Variants in EIPR1 observed in about 807,000 individuals in gnomAD.
EIPR1 encodes the protein EARP and GARP complex-interacting protein 1.
In EIPR1, 25 loss-of-function variants were observed where a neutral mutation model predicts 48.1. The ratio of observed to expected loss-of-function variants is 0.52; its 90% CI spans 0.38 to 0.73. The LOEUF (loss-of-function observed/expected upper bound fraction) is 0.73, where lower values mean the gene tolerates loss of function less well. Ranked by LOEUF, EIPR1 falls within the 30% of genes least tolerant of loss-of-function variation. The pLI, the probability that EIPR1 is intolerant of heterozygous loss-of-function variation, is 0.00. For synonymous variants in EIPR1, 204 were observed against 201.9 expected (o/e 1.01, Z -0.09); for missense variants, 415 against 506.2 (o/e 0.82, Z 1.73).
intron 2 of EIPR1, among the ~76,000 whole-genome samples, chr2:3,344,827 G>A (rs1162628734): frequency 6.6e-6 from 1 of 151,698 alleles, no homozygotes; most frequent in Non-Finnish European, 1.5e-5. Flanking sequence ...ATTTTTAGTA[G>A]AGACAGGGTT....
chr2:3,242,005 G>A (rs1666644801), intron 4 of EIPR1, among the ~76,000 whole-genome samples: 1 of 152,190 alleles, frequency 6.6e-6, no homozygotes, highest in African/African-American at 2.4e-5. Context: ...TCGATGGTGT[G>A]CAGATGCCTC....
chr2:3,368,116 C>G (rs1179774778), intron 1 of EIPR1, among the ~76,000 whole-genome samples: 1 of 152,166 alleles, frequency 6.6e-6, no homozygotes, highest in African/African-American at 2.4e-5. Flanking sequence ...TGGCAACAGG[C>G]AGACCCTGAA....
At chr2:3,272,207 A>G (rs1013471597) in intron 3 of EIPR1, among the ~76,000 whole-genome samples, 21 of 152,234 alleles carry the variant, frequency 1.4e-4, no homozygotes, top group African/African-American at 4.8e-4. Context: ...TGGATCATCT[A>G]TCCAGACCAC....
chr2:3,194,328 C>A, intron 6 of EIPR1, 162 bp from the exon 7 acceptor site: 1 of 722,716 alleles, frequency 1.4e-6, no homozygotes, highest in East Asian at 2.8e-5. Context: ...AGGCTGGCGC[C>A]ACCTCCTCCA....
chr2:3,368,056 A>C (rs1229377075), intron 1 of EIPR1, among the ~76,000 whole-genome samples: 1 of 152,186 alleles, frequency 6.6e-6, no homozygotes, highest in Non-Finnish European at 1.5e-5. Flanking sequence ...AAAAGAAAAA[A>C]GAAAAGAAAA....
chr2:3,245,557 G>T (rs1275329852), intron 4 of EIPR1, among the ~76,000 whole-genome samples: 1 of 152,278 alleles, frequency 6.6e-6, no homozygotes, highest in East Asian at 1.9e-4. Context: ...CTTGAAAGAA[G>T]ACATTTTTCT....
chr2:3,326,958 G>A (rs756610747), intron 3 of EIPR1, among the ~76,000 whole-genome samples: 3 of 152,220 alleles, frequency 2.0e-5, no homozygotes, highest in Non-Finnish European at 2.9e-5. Flanking sequence ...CAGGATGAGC[G>A]GCCGAAGCTG....
At chr2:3,294,275 C>T (rs1572405422) in intron 3 of EIPR1, among the ~76,000 whole-genome samples, 2 of 151,786 alleles carry the variant, frequency 1.3e-5, no homozygotes, top group Non-Finnish European at 2.9e-5. Flanking sequence ...TCCAGCCCAT[C>T]CTCCCTACAC....
chr2:3,290,922 T>TCCAGG (rs1397100890), intron 3 of EIPR1, among the ~76,000 whole-genome samples: 3 of 152,160 alleles, frequency 2.0e-5, no homozygotes, highest in Admixed American at 6.5e-5. Flanking sequence ...CTCGTGGTGC[T>TCCAGG]CCAGGCCAGG....
rs1426030602 is a variant in EIPR1, at chr2:3,197,148, CTCTG to C, written c.517-135_517-132del. 19 of 1,110,070 alleles carry C rather than the reference CTCTG, an allele frequency of 1.7e-5. No individual in the cohort carries two copies. The East Asian group carries it at 2.4e-4, about 14-fold the overall frequency. The allele number at this position is 1,110,070 out of a possible 1,614,324, so 68.8% of individuals were successfully genotyped here. ...ATAATTACTGAGGATAATTAGGAAG[CTCTG>C]TCTTTGTTTCCTTTCCTTAAATGGC... On this transcript the variant is annotated intron_variant, in intron 5 of 8. Transcript: ENST00000382125.
rs759642909 is a variant in EIPR1 at position 3,368,377 on chromosome 2, G to T, written c.42+9271C>A. 2.0e-5 allele frequency among the ~76,000 whole-genome samples: 3 copies of T among 152,122 alleles called. No homozygotes were observed. In the South Asian group the frequency reaches 6.2e-4, roughly 32 times the overall value. Reference sequence around the variant, plus strand: ...TCATTGTCACCCACCTTCCCACCCCGACCGTCCTTTCTGGTCTGGCCCAGC... The same window carrying T: ...TCATTGTCACCCACCTTCCCACCCCTACCGTCCTTTCTGGTCTGGCCCAGC... On this transcript the variant is annotated intron_variant, in intron 1 of 8. Transcript: ENST00000382125.
intron 5 of EIPR1, among the ~76,000 whole-genome samples, chr2:3,204,172 C>G (rs978852334): frequency 1.3e-5 from 2 of 152,196 alleles, no homozygotes; most frequent in East Asian, 1.9e-4. Flanking sequence ...CTGTGGCCCC[C>G]CTTACTGCAC....
chr2:3,226,791 G>A (rs1421097725), intron 4 of EIPR1, among the ~76,000 whole-genome samples: 1 of 152,176 alleles, frequency 6.6e-6, no homozygotes, highest in Non-Finnish European at 1.5e-5. Flanking sequence ...TGGTATCATG[G>A]GGACAGGTTT....
intron 7 of EIPR1, among the ~76,000 whole-genome samples, chr2:3,192,944 C>T (rs1356697061): frequency 2.0e-5 from 3 of 152,142 alleles, no homozygotes; most frequent in Non-Finnish European, 2.9e-5. Flanking sequence ...ACAAGTCTCA[C>T]GGCATCTTCC....
In EIPR1 at chr2:3,230,666, C is replaced by T. The variant is rs536298575; in HGVS notation, c.417-16418G>A. ...TTCTCAAAGGTTAGTTGACCATATACGTGTGAGTTTATTTATGAGCTTTCT... is the reference window on the plus strand; with the variant it reads ...TTCTCAAAGGTTAGTTGACCATATATGTGTGAGTTTATTTATGAGCTTTCT... On this transcript the variant is annotated intron_variant, in intron 4 of 8. Coordinates refer to ENST00000382125, the MANE Select transcript of EIPR1 (RefSeq NM_003310.5). 7.2e-5 allele frequency among the ~76,000 whole-genome samples: 11 copies of T among 152,206 alleles called. No individual in the cohort carries two copies. The East Asian group carries it at 7.7e-4, about 11-fold the overall frequency.
chr2:3,303,310 C>T (rs1390659027), intron 3 of EIPR1, among the ~76,000 whole-genome samples: 1 of 152,226 alleles, frequency 6.6e-6, no homozygotes, highest in Non-Finnish European at 1.5e-5. Flanking sequence ...CCTCTGGGGG[C>T]CAAGCTCGGA....
At chr2:3,329,223 G>C (rs74188699) in intron 3 of EIPR1, among the ~76,000 whole-genome samples, 51 of 40,562 alleles carry the variant, frequency 1.3e-3, no homozygotes, top group East Asian at 5.1e-3. Context: ...CCACCCACCA[G>C]GCTCTAGTGA....
chr2:3,235,522 G>A (rs938107141), intron 4 of EIPR1, among the ~76,000 whole-genome samples: 1 of 152,218 alleles, frequency 6.6e-6, no homozygotes, highest in South Asian at 2.1e-4. Flanking sequence ...GCTCAAGTGG[G>A]CCAGGTCCTT....
At chr2:3,194,519 T>C (rs1486228873) in intron 6 of EIPR1, 1 of 182,026 alleles carries the variant, frequency 5.5e-6, no homozygotes, top group Non-Finnish European at 1.2e-5. Context: ...GAGCCAGACA[T>C]TTGGACAGGA....
Sources: allele counts gnomAD v4.1 joint callset (sites outside exome capture counted in the v4.1 genomes callset), GRCh38; gene constraint gnomAD v4.1.1; transcripts MANE v1.5; gene names NCBI Gene and HGNC (gene_info 2026-07-23, HGNC 2026-07-21).